Variants in PDE12 observed in about 807,000 individuals in gnomAD.
PDE12 encodes phosphodiesterase 12.
PDE12 carries 26 observed loss-of-function variants against 45.4 expected under a neutral mutation model. The observed-to-expected ratio is 0.57, with a 90% CI of 0.42 to 0.79. The LOEUF (loss-of-function observed/expected upper bound fraction) is 0.79, where lower values mean the gene tolerates loss of function less well. Among genes scored for constraint, PDE12 ranks in the 30% least tolerant of loss-of-function variants. The pLI, the probability that PDE12 is intolerant of heterozygous loss-of-function variation, is 0.00. For synonymous variants in PDE12, 283 were observed against 323.9 expected (o/e 0.87, Z 1.36); for missense variants, 668 against 790.0 (o/e 0.85, Z 1.85).
chr3:57,607,319 TA>T, the PDE12 span, among the ~76,000 whole-genome samples: 2 of 152,124 alleles, frequency 1.3e-5, no homozygotes, highest in African/African-American at 4.8e-5. Flanking sequence ...CTGAAAATTC[TA>T]AAAATCAGAG....
At chr3:57,583,883 T>C in the PDE12 span, 1 of 1,528,068 alleles carries the variant, frequency 6.5e-7, no homozygotes, top group Non-Finnish European at 9.0e-7. Context: ...TATAAAAACA[T>C]ACAGTATCCC....
At chr3:57,643,598 C>T in the PDE12 span, among the ~76,000 whole-genome samples, 344 of 151,686 alleles carry the variant, frequency 2.3e-3, no homozygotes, top group African/African-American at 7.8e-3. Flanking sequence ...GAGGCTGAGG[C>T]GGGTGGATCA....
the PDE12 span, among the ~76,000 whole-genome samples, chr3:57,624,189 C>G: frequency 2.0e-5 from 3 of 151,118 alleles, no homozygotes; most frequent in Non-Finnish European, 4.4e-5. Context: ...CTCGCTCTGT[C>G]GCCCAGGCTG....
the PDE12 span, among the ~76,000 whole-genome samples, chr3:57,600,435 C>CTCCCTTCCCCCTTCTGTTCCCTTT: frequency 6.8e-6 from 1 of 147,608 alleles, no homozygotes; most frequent in African/African-American, 2.5e-5. Context: ...CCCTTTTCCC[C>CTCCCTTCCCCCTTCTGTTCCCTTT]TCCCTTCCCC....
chr3:57,584,848 C>T, the PDE12 span, among the ~76,000 whole-genome samples: 1 of 148,244 alleles, frequency 6.7e-6, no homozygotes, highest in Non-Finnish European at 1.5e-5. Flanking sequence ...GAACTACCAG[C>T]ATTTTTTGGG....
rs1264940811 is a variant in PDE12 at position 57,562,193 on chromosome 3, C to T, written c.*2189C>T. ...TTTTGAAAGAAAAAATTCGAACATG[C>T]CCATGAAAAAAGCATACAGCTTCCA... On this transcript the variant is annotated 3_prime_UTR_variant, in exon 3 of 3. Coordinates refer to ENST00000311180, the MANE Select transcript of PDE12 (RefSeq NM_177966.7). 24 of 811,068 alleles carry T rather than the reference C, an allele frequency of 3.0e-5. No homozygotes were observed. Among genetic ancestry groups the T allele is most frequent in the Non-Finnish European group, 3.6e-5 (24 of 671,172 alleles). The allele number at this position is 811,068 out of a possible 1,614,324, so 50.2% of individuals were successfully genotyped here. A position where few individuals can be genotyped will look rare whatever the true frequency, so the allele number is the denominator to read the frequency against.
the PDE12 span, among the ~76,000 whole-genome samples, chr3:57,638,927 T>A: frequency 6.6e-6 from 1 of 151,950 alleles, no homozygotes; most frequent in Non-Finnish European, 1.5e-5. Context: ...CAAGATCCTG[T>A]CTCTACAGAA....
chr3:57,591,040 C>T, the PDE12 span, among the ~76,000 whole-genome samples: 1 of 152,066 alleles, frequency 6.6e-6, no homozygotes, highest in Non-Finnish European at 1.5e-5. Context: ...CCAGAAATGT[C>T]CCCCACAGTC....
At chr3:57,603,377 C>T in the PDE12 span, among the ~76,000 whole-genome samples, 1 of 151,880 alleles carries the variant, frequency 6.6e-6, no homozygotes, top group African/African-American at 2.4e-5. Context: ...CTTGTTCTGT[C>T]ACCAGGCTGG....
chr3:57,604,977 C>T, the PDE12 span, among the ~76,000 whole-genome samples: 43 of 152,084 alleles, frequency 2.8e-4, no homozygotes, highest in East Asian at 8.3e-3. Context: ...TAGCCAAGAC[C>T]AAGTAACAAA....
chr3:57,633,474 C>T, the PDE12 span: 2 of 810,638 alleles, frequency 2.5e-6, no homozygotes, highest in Non-Finnish European at 3.9e-6. Flanking sequence ...AAAACTAGAA[C>T]TTCACCTTGA....
At chr3:57,573,016 C>T in the PDE12 span, among the ~76,000 whole-genome samples, 6 of 151,812 alleles carry the variant, frequency 4.0e-5, no homozygotes, top group Non-Finnish European at 7.4e-5. Flanking sequence ...TCCTGGCTAA[C>T]GCAGTGAAAC....
Position 57,556,420 on chromosome 3 carries a change from T to C in PDE12, c.41T>C (p.Ile14Thr), listed in dbSNP as rs2153407113. The change falls in exon 1 of 3, where the codon ATC (isoleucine) becomes ACC (threonine). Residue 14 changes from isoleucine to threonine, a missense_variant. Physicochemically the swap from Ile to Thr is moderately conservative, Grantham distance 89. Transcript: ENST00000311180. This position sits in a 1 kb window ranked among gnomAD's most constrained non-coding sequence, Gnocchi z 5.0. Reference protein sequence around the residue: ...LPGARAALRVIRTAVEKLSRA... With the variant: ...LPGARAALRVTRTAVEKLSRA... ...GGCGCCCGCGCCGCGCTTCGGGTGATCCGGACGGCGGTGGAGAAGCTGAGC... is the reference window on the plus strand; with the variant it reads ...GGCGCCCGCGCCGCGCTTCGGGTGACCCGGACGGCGGTGGAGAAGCTGAGC... 1.2e-6 allele frequency: 2 copies of C among 1,609,382 alleles called. No individual in the cohort carries two copies. Among genetic ancestry groups the C allele is most frequent in the Non-Finnish European group, 1.7e-6 (2 of 1,178,136 alleles).
At chr3:57,559,534 CTTACA>C (rs748463062) in intron 2 of PDE12, 23 bp from the exon 3 acceptor site, 31 of 1,573,186 alleles carry the variant, frequency 2.0e-5, no homozygotes, top group South Asian at 5.9e-5. Context: ...TTAAAAAATA[CTTACA>C]TTAATGTTTT....
At chr3:57,639,700 C>A in the PDE12 span, among the ~76,000 whole-genome samples, 1 of 152,026 alleles carries the variant, frequency 6.6e-6, no homozygotes, top group African/African-American at 2.4e-5. Flanking sequence ...TCCTAGCAGA[C>A]AAAAAATTTG....
At position 57,564,939 on chromosome 3, in the gene PDE12, C is replaced by A; in HGVS notation, c.*4935C>A. 6.6e-6 allele frequency: 1 copy of A among 151,872 alleles called. No homozygotes were observed. Among genetic ancestry groups the A allele is most frequent in the South Asian group, 2.1e-4 (1 of 4,854 alleles). 9.4% of individuals were successfully genotyped at this position (151,872 alleles called of 1,614,324 possible). ...CAAGCAGTCCACCCACCTCGGCCTCCCAAAGTGCTGATATTACAGACATGA... is the reference window on the plus strand; with the variant it reads ...CAAGCAGTCCACCCACCTCGGCCTCACAAAGTGCTGATATTACAGACATGA... On this transcript the variant is annotated 3_prime_UTR_variant, in exon 3 of 3. Transcript: ENST00000311180.
At chr3:57,592,928 G>C in the PDE12 span, among the ~76,000 whole-genome samples, 1 of 152,154 alleles carries the variant, frequency 6.6e-6, no homozygotes, top group Non-Finnish European at 1.5e-5. Flanking sequence ...GCGTGTACCA[G>C]GTGTGGTGGC....
chr3:57,620,259 A>G, the PDE12 span, among the ~76,000 whole-genome samples: 1 of 152,056 alleles, frequency 6.6e-6, no homozygotes, highest in African/African-American at 2.4e-5. Flanking sequence ...TTTTAAGATC[A>G]GAAACAAAGA....
chr3:57,610,497 G>A, the PDE12 span, among the ~76,000 whole-genome samples: 7 of 145,724 alleles, frequency 4.8e-5, no homozygotes, highest in Admixed American at 1.4e-4. Flanking sequence ...CATCATCTCC[G>A]CCCAAAATCT....
Sources: gnomAD v4.1 joint callset for allele counts (sites outside exome capture counted in the v4.1 genomes callset) on GRCh38, gnomAD v4.1.1 for gene constraint, Gnocchi (gnomAD v3.1) non-coding constraint, MANE v1.5 for transcripts, NCBI Gene and HGNC (gene_info 2026-07-23, HGNC 2026-07-21) for gene names.